The following CHRM2 variants were observed in gnomAD, a reference collection of about 807,000 sequenced individuals.
CHRM2 encodes muscarinic acetylcholine receptor M2.
CHRM2 carries 8 observed loss-of-function variants against 25.0 expected under a neutral mutation model. That is an observed-to-expected ratio of 0.32 (90% CI 0.19 to 0.58). CHRM2 has a LOEUF of 0.58. CHRM2 is among the 20% of genes least tolerant of loss of function. The probability of loss-of-function intolerance (pLI) is 0.88; values close to 1 mark genes in which losing one functional copy is unlikely to be tolerated. For missense variants in CHRM2, 440 were observed against 567.1 expected, an observed-to-expected ratio of 0.78 and a Z score of 2.28; for synonymous variants, 202 against 205.7, an observed-to-expected ratio of 0.98 and a Z score of 0.15.
At chr7:136,937,181 A>G (rs778490559) in intron 2 of CHRM2, among the ~76,000 whole-genome samples, 10 of 152,194 alleles carry the variant, frequency 6.6e-5, no homozygotes, top group Non-Finnish European at 1.2e-4. Context: ...AGGAAGAATG[A>G]CATCGCTTTC....
chr7:136,986,911 G>T (rs1227081907), intron 2 of CHRM2, among the ~76,000 whole-genome samples: 1 of 152,070 alleles, frequency 6.6e-6, no homozygotes, highest in African/African-American at 2.4e-5. Context: ...TTATTTATTA[G>T]TATATGCATT....
chr7:137,013,358 T>C (rs902580501), intron 3 of CHRM2, among the ~76,000 whole-genome samples: 5 of 152,000 alleles, frequency 3.3e-5, no homozygotes, highest in African/African-American at 7.2e-5. Context: ...TTTTTTTAAA[T>C]GTTATTTGTG....
At chr7:136,996,664 TTAAG>T (rs565426947) in intron 3 of CHRM2, among the ~76,000 whole-genome samples, 17 of 152,258 alleles carry the variant, frequency 1.1e-4, no homozygotes, top group South Asian at 6.2e-4. Context: ...TAGAAATAAA[TTAAG>T]TGTCACCAAT....
chr7:137,015,439 A>G lies in CHRM2; in HGVS notation c.574A>G (p.Ile192Val). The part of the protein sequence containing the change: ...SNAAVTFGTA[I>V]AAFYLPVIIM... Reference sequence around the variant, plus strand: ...TGCTGCTGTCACCTTTGGTACGGCTATTGCAGCCTTCTATTTGCCAGTGAT... The same window carrying G: ...TGCTGCTGTCACCTTTGGTACGGCTGTTGCAGCCTTCTATTTGCCAGTGAT... Residue 192 changes from isoleucine to valine, a missense_variant, in exon 4 of 4, where the codon ATT becomes GTT. By Grantham distance (29) the Ile-to-Val change is conservative. Around this residue, in one of 5 missense-constraint regions of CHRM2, gnomAD observed 261 missense variants for 261.8 expected, o/e 1.00. Transcript: ENST00000680005. This position sits in a 1 kb window ranked among gnomAD's most constrained non-coding sequence, Gnocchi z 5.1. 1 of 1,613,284 alleles carries G rather than the reference A, an allele frequency of 6.2e-7. No individual in the cohort carries two copies. Among genetic ancestry groups the G allele is most frequent in the Non-Finnish European group, 8.5e-7 (1 of 1,179,590 alleles).
chr7:136,889,047 C>CAAAAAAA (rs56915229), intron 2 of CHRM2, among the ~76,000 whole-genome samples: 2 of 66,492 alleles, frequency 3.0e-5, no homozygotes, highest in Admixed American at 1.9e-4. Flanking sequence ...GACTACATCT[C>CAAAAAAA]AAAAAAAAAA....
At chr7:136,969,683 C>T (rs1262911919) in intron 2 of CHRM2, among the ~76,000 whole-genome samples, 1 of 152,126 alleles carries the variant, frequency 6.6e-6, no homozygotes, top group African/African-American at 2.4e-5. Context: ...TTCCAACGTC[C>T]TTCTGTTTTA....
At chr7:136,877,293 T>A (rs1244532771) in intron 2 of CHRM2, among the ~76,000 whole-genome samples, 1 of 152,050 alleles carries the variant, frequency 6.6e-6, no homozygotes, top group Non-Finnish European at 1.5e-5. Context: ...CATCTTTCAA[T>A]GTAGAGGAAA....
chr7:136,947,283 A>G (rs1403184601), intron 2 of CHRM2, among the ~76,000 whole-genome samples: 1 of 152,164 alleles, frequency 6.6e-6, no homozygotes, highest in Non-Finnish European at 1.5e-5. Flanking sequence ...CAGATATTTG[A>G]TCTAGAAAAA....
chr7:136,874,901 AAAAG>A (rs1388835156), intron 2 of CHRM2, among the ~76,000 whole-genome samples: 1 of 148,914 alleles, frequency 6.7e-6, no homozygotes, highest in Non-Finnish European at 1.5e-5. Flanking sequence ...TTATGGAAGA[AAAAG>A]AGATGCCACC....
Position 136,965,880 on chromosome 7 carries a change from G to A in CHRM2, c.-124-26307G>A, listed in dbSNP as rs563298399. Among the ~76,000 whole-genome samples the A allele has an allele frequency of 3.9e-5, 6 of 152,022 alleles. No individual in the cohort carries two copies. In the South Asian group the frequency reaches 6.2e-4, roughly 16 times the overall value. On this transcript the variant is annotated intron_variant, in intron 2 of 3. Coordinates refer to ENST00000680005, the MANE Select transcript of CHRM2 (RefSeq NM_001006630.2). ...TATTTGGAAGGGAATACACCTAAAT[G>A]AGCCATGATGTGTTGACAAAAAAAA...
intron 2 of CHRM2, among the ~76,000 whole-genome samples, chr7:136,951,466 G>A (rs1254534129): frequency 1.3e-5 from 2 of 152,182 alleles, no homozygotes; most frequent in African/African-American, 2.4e-5. Flanking sequence ...CTGACCAGCT[G>A]TAGGTTCTAT....
chr7:137,015,389 A>T lies in CHRM2; in HGVS notation c.524A>T (p.Glu175Val), dbSNP rs902978046. 1.9e-6 allele frequency: 3 copies of T among 1,613,280 alleles called. No homozygotes were observed. The highest frequency in any genetic ancestry group is 2.7e-5 in the African/African-American group (2 of 74,808). Residue 175 changes from glutamate (E) to valine (V), a missense_variant, in exon 4 of 4, where the codon GAG becomes GTG. By Grantham distance (121) the Glu-to-Val change is moderately radical (BLOSUM62 -2). Coordinates refer to ENST00000680005, the MANE Select transcript of CHRM2 (RefSeq NM_001006630.2). The surrounding 1 kb of genome is among the most constrained non-coding windows in gnomAD (Gnocchi z 5.1). ...GGGGTGAGAACTGTGGAGGATGGGG[A>T]GTGCTACATTCAGTTTTTTTCCAAT... ...IVGVRTVEDGECYIQFFSNAA... is the reference protein window; with the variant it reads ...IVGVRTVEDGVCYIQFFSNAA...
At chr7:136,923,031 C>T (rs985267603) in intron 2 of CHRM2, among the ~76,000 whole-genome samples, 2 of 152,124 alleles carry the variant, frequency 1.3e-5, no homozygotes, top group Non-Finnish European at 2.9e-5. Flanking sequence ...ATGTTAAATG[C>T]TTAGCAAATT....
In CHRM2 at chr7:136,903,358, G is replaced by A. The variant is rs1035609262; in HGVS notation, c.-125+33940G>A. ...GTGTATGTGCAAATCTCCTTCAAAA[G>A]GAAGTCTTACTCTTCCTGCTTTCAA... On this transcript the variant is annotated intron_variant, in intron 2 of 3. Coordinates refer to ENST00000680005, the MANE Select transcript of CHRM2 (RefSeq NM_001006630.2). 1.3e-4 allele frequency: 51 copies of A among 400,178 alleles called. No individual in the cohort carries two copies. The Admixed American group carries it at 1.6e-3, about 13-fold the overall frequency. 24.8% of individuals were successfully genotyped at this position (400,178 alleles called of 1,614,324 possible). A position where few individuals can be genotyped will look rare whatever the true frequency, so the allele number is the denominator to read the frequency against.
chr7:136,905,207 A>G (rs1160035417), intron 2 of CHRM2, among the ~76,000 whole-genome samples: 4 of 151,800 alleles, frequency 2.6e-5, no homozygotes, highest in East Asian at 1.9e-4. Context: ...TAGAATGTCT[A>G]TATTTTGGGA....
intron 2 of CHRM2, among the ~76,000 whole-genome samples, chr7:136,948,158 C>T (rs1419805456): frequency 1.3e-5 from 2 of 152,038 alleles, no homozygotes; most frequent in Non-Finnish European, 2.9e-5. Context: ...TGGCCCACAT[C>T]CACCAATGCA....
chr7:136,984,515 C>G (rs189141242), intron 2 of CHRM2, among the ~76,000 whole-genome samples: 1 of 152,092 alleles, frequency 6.6e-6, no homozygotes, highest in Admixed American at 6.5e-5. Flanking sequence ...GCAACTAGCC[C>G]AGTGTCTGCC....
At chr7:136,888,725 A>T (rs1796569772) in intron 2 of CHRM2, among the ~76,000 whole-genome samples, 1 of 152,172 alleles carries the variant, frequency 6.6e-6, no homozygotes. Flanking sequence ...ACGAGTCAGG[A>T]ACTGCAAAAA....
chr7:136,896,936 T>C (rs533930734), intron 2 of CHRM2, among the ~76,000 whole-genome samples: 1 of 152,174 alleles, frequency 6.6e-6, no homozygotes, highest in African/African-American at 2.4e-5. Context: ...CTGCTTGAAG[T>C]ATTTAAAATT....
Sources: gnomAD v4.1 joint callset for allele counts (sites outside exome capture counted in the v4.1 genomes callset) on GRCh38, gnomAD v4.1.1 for gene constraint, gnomAD v4.1.1 regional missense constraint, Gnocchi (gnomAD v3.1) non-coding constraint, MANE v1.5 for transcripts, NCBI Gene and HGNC (gene_info 2026-07-23, HGNC 2026-07-21) for gene names.